The following NRG1 variants were observed in gnomAD, a reference collection of about 807,000 sequenced individuals.
NRG1 encodes the protein neuregulin 1, also known as pro-neuregulin-1, membrane-bound isoform.
Under a neutral mutation model 63.8 loss-of-function variants are expected in NRG1, and 18 were observed. The observed-to-expected ratio is 0.28, with a 90% confidence interval of 0.19 to 0.42. NRG1 has a LOEUF of 0.42. NRG1 is among the 10% of genes least tolerant of loss of function. NRG1 has a pLI of 1.00. For missense variants in NRG1, 762 were observed against 814.7 expected (o/e 0.94, Z 0.79); for synonymous variants, 302 against 301.3 (o/e 1.00, Z -0.02).
At chr8:32,433,992 C>T (rs1389549229) in intron 1 of NRG1, among the ~76,000 whole-genome samples, 1 of 151,904 alleles carries the variant, frequency 6.6e-6, no homozygotes, top group Non-Finnish European at 1.5e-5. Flanking sequence ...TCAAGACTAT[C>T]CTGGCCAACA....
chr8:31,810,871 A>G (rs573763955), intron 1 of NRG1, among the ~76,000 whole-genome samples: 10 of 152,232 alleles, frequency 6.6e-5, no homozygotes, highest in African/African-American at 2.4e-4. Context: ...CAGAGGAAAT[A>G]TTTGTTACAT....
At chr8:31,735,400 A>G (rs1317201426) in intron 1 of NRG1, among the ~76,000 whole-genome samples, 2 of 152,108 alleles carry the variant, frequency 1.3e-5, no homozygotes, top group Non-Finnish European at 2.9e-5. Context: ...AAAAAACCCC[A>G]CTGTCTTCCC....
chr8:32,765,078 G>A (rs1831320752), exon 12 of NRG1: 1 of 152,060 alleles, frequency 6.6e-6, no homozygotes, highest in Admixed American at 6.6e-5. Flanking sequence ...CTTACTAAAA[G>A]GAGCTCTCAT....
chr8:32,233,708 G>T (rs1418753531), intron 1 of NRG1, among the ~76,000 whole-genome samples: 2 of 151,584 alleles, frequency 1.3e-5, no homozygotes, highest in East Asian at 3.9e-4. Flanking sequence ...GGGACTACAG[G>T]CATGAGCCAA....
chr8:31,684,127 A>T (rs1160089975), intron 1 of NRG1, among the ~76,000 whole-genome samples: 1 of 152,138 alleles, frequency 6.6e-6, no homozygotes, highest in Non-Finnish European at 1.5e-5. Context: ...ATTTGTTAGA[A>T]ATGTAAATTC....
chr8:32,448,748 C>T (rs1265385108), intron 1 of NRG1, among the ~76,000 whole-genome samples: 5 of 152,138 alleles, frequency 3.3e-5, no homozygotes, highest in Non-Finnish European at 7.4e-5. Context: ...CCTCCTGACG[C>T]CCCCAGGGGT....
At chr8:32,168,586 G>T (rs1011017092) in intron 1 of NRG1, among the ~76,000 whole-genome samples, 1 of 152,126 alleles carries the variant, frequency 6.6e-6, no homozygotes. Flanking sequence ...GTGACTGGGG[G>T]GCCTTCTACA....
rs371706831 is a variant in NRG1, at chr8:32,489,251, C to T, written c.38-106577C>T. 1.5e-3 allele frequency among the ~76,000 whole-genome samples: 228 copies of T among 152,276 alleles called. 1 individual carries two copies. The highest frequency in any genetic ancestry group is 5.0e-3 in the African/African-American group (207 of 41,546). On this transcript the variant is annotated intron_variant, in intron 1 of 10. Transcript: ENST00000519301. ...GCGTTGTACACATGCTCACCTGAGG[C>T]GTTCTTCGGGTGAATGCCCCCAGAA... is the stretch of plus-strand genomic sequence containing the variant.
At chr8:31,744,080 A>G (rs1469486931) in intron 1 of NRG1, among the ~76,000 whole-genome samples, 1 of 151,986 alleles carries the variant, frequency 6.6e-6, no homozygotes, top group Non-Finnish European at 1.5e-5. Context: ...GGTCAACCCC[A>G]GGTCAGAGTT....
intron 1 of NRG1, among the ~76,000 whole-genome samples, chr8:31,911,217 A>C (rs1832916542): frequency 6.6e-6 from 1 of 152,196 alleles, no homozygotes; most frequent in Admixed American, 6.5e-5. Flanking sequence ...CACTTGACCC[A>C]GCAATCCTAA....
chr8:32,707,391 G>C (rs542245929), intron 5 of NRG1, among the ~76,000 whole-genome samples: 49 of 152,064 alleles, frequency 3.2e-4, no homozygotes, highest in African/African-American at 1.1e-3. Context: ...AAGATATGAG[G>C]GGAAAAAAGT....
chr8:32,173,875 C>A (rs971266054), intron 1 of NRG1, among the ~76,000 whole-genome samples: 1 of 152,078 alleles, frequency 6.6e-6, no homozygotes, highest in Non-Finnish European at 1.5e-5. Flanking sequence ...ACTTAGACTC[C>A]CACACAATAA....
intron 1 of NRG1, among the ~76,000 whole-genome samples, chr8:32,463,345 A>C (rs77163358): frequency 0.034 from 5,220 of 152,164 alleles, 304 homozygotes; most frequent in African/African-American, 0.12. Context: ...ATGGTAGCAG[A>C]ATGTTTTATT....
At chr8:32,770,635 G>A (rs1412707596), downstream of NRG1, among the ~76,000 whole-genome samples, 1 of 152,174 alleles carries the variant, frequency 6.6e-6, no homozygotes, top group African/African-American at 2.4e-5. Flanking sequence ...CTAAGGAAAT[G>A]AAGTGTACGA....
intron 1 of NRG1, among the ~76,000 whole-genome samples, chr8:32,291,606 T>A (rs778567011): frequency 1.4e-5 from 2 of 145,388 alleles, no homozygotes; most frequent in Non-Finnish European, 3.0e-5. Context: ...TGGCAAGATC[T>A]CGGCTCACTG....
At chr8:32,437,882 A>G (rs1031346660) in intron 1 of NRG1, among the ~76,000 whole-genome samples, 2 of 152,302 alleles carry the variant, frequency 1.3e-5, no homozygotes, top group South Asian at 4.1e-4. Context: ...GATACTTTTG[A>G]TAGTTAATAT....
At chr8:31,758,199 T>A (rs1268579097) in intron 1 of NRG1, among the ~76,000 whole-genome samples, 1 of 152,128 alleles carries the variant, frequency 6.6e-6, no homozygotes, top group African/African-American at 2.4e-5. Flanking sequence ...CCTAATGTTA[T>A]CCTTCCCCTA....
At chr8:32,561,215 G>A (rs188498090) in intron 1 of NRG1, among the ~76,000 whole-genome samples, 50 of 152,262 alleles carry the variant, frequency 3.3e-4, no homozygotes, top group Non-Finnish European at 4.6e-4. Context: ...TATGAATTCA[G>A]CTTCACTTTT....
chr8:32,430,476 G>C (rs1032160527), intron 1 of NRG1, among the ~76,000 whole-genome samples: 2 of 152,182 alleles, frequency 1.3e-5, no homozygotes, highest in African/African-American at 4.8e-5. Flanking sequence ...GTGGCACGGA[G>C]TGAGGCTAGA....
Sources: allele counts gnomAD v4.1 joint callset (sites outside exome capture counted in the v4.1 genomes callset), GRCh38; gene constraint gnomAD v4.1.1; transcripts MANE v1.5; gene names NCBI Gene and HGNC (gene_info 2026-07-23, HGNC 2026-07-21).